Variants in PLD1 observed in about 807,000 individuals in gnomAD.
PLD1 encodes the protein choline phosphatase 1.
In PLD1, 112 loss-of-function variants were observed where a neutral mutation model predicts 137.1. The observed-to-expected ratio is 0.82, with a 90% CI of 0.70 to 0.96. PLD1 has a LOEUF of 0.96. Ranked by LOEUF, PLD1 falls within the 40% of genes least tolerant of loss-of-function variation. The pLI, the probability that PLD1 is intolerant of heterozygous loss-of-function variation, is 0.00. For synonymous variants in PLD1, 431 were observed against 454.7 expected (o/e 0.95, Z 0.66); for missense variants, 1,321 against 1,342.0 (o/e 0.98, Z 0.24).
chr3:171,807,104 C>G (rs1306724951), intron 1 of PLD1, among the ~76,000 whole-genome samples: 1 of 152,088 alleles, frequency 6.6e-6, no homozygotes, highest in East Asian at 1.9e-4. Flanking sequence ...CCCAGCTGTT[C>G]AAGACCAGCC....
rs535327225 is a variant in PLD1, at chr3:171,683,229, A to G, written c.1867+3456T>C. ...ATGCTGTCAGCTCGACCCTCAAAAT[A>G]TATTCACAACCTGCAGAGTCACCAT... On this transcript the variant is annotated intron_variant, in intron 16 of 26. Transcript: ENST00000351298. Among the ~76,000 whole-genome samples, 148 of 152,250 alleles carry G rather than the reference A, an allele frequency of 9.7e-4. 1 individual carries two copies. The highest frequency in any genetic ancestry group is 7.9e-3 in the Admixed American group (121 of 15,298).
chr3:171,796,535 G>A (rs1055875839), intron 1 of PLD1, among the ~76,000 whole-genome samples: 1 of 152,146 alleles, frequency 6.6e-6, no homozygotes, highest in African/African-American at 2.4e-5. Flanking sequence ...TTAACTTTTT[G>A]TACTACTGTG....
chr3:171,714,193 G>T (rs927112565), intron 8 of PLD1, 148 bp from the exon 9 acceptor site: 2 of 546,910 alleles, frequency 3.7e-6, no homozygotes, highest in Admixed American at 3.6e-5. Flanking sequence ...TTTTTTAATC[G>T]CTATGAAACA....
chr3:171,663,928 CT>C (rs1711814115), intron 19 of PLD1, among the ~76,000 whole-genome samples: 1 of 152,134 alleles, frequency 6.6e-6, no homozygotes, highest in Non-Finnish European at 1.5e-5. Context: ...TGGAAAAATT[CT>C]TGTTCAAATC....
At chr3:171,661,245 G>C (rs1737641274) in intron 20 of PLD1, among the ~76,000 whole-genome samples, 1 of 151,942 alleles carries the variant, frequency 6.6e-6, no homozygotes, top group Non-Finnish European at 1.5e-5. Flanking sequence ...AGCGGGAGAG[G>C]GCCAGGACCC....
chr3:171,660,378 T>C (rs1737566408), intron 20 of PLD1, among the ~76,000 whole-genome samples: 1 of 151,520 alleles, frequency 6.6e-6, no homozygotes. Context: ...TCTGAATTCA[T>C]ATTATAAAGA....
Position 171,692,350 on chromosome 3 carries a change from A to C in PLD1, c.1320T>G (p.Arg440=), listed in dbSNP as rs1221614483. 4 of 1,508,432 alleles carry C rather than the reference A, an allele frequency of 2.7e-6. No individual in the cohort carries two copies. The highest frequency in any genetic ancestry group is 3.7e-6 in the Non-Finnish European group (4 of 1,083,700). The allele number at this position is 1,508,432 out of a possible 1,614,324, so 93.4% of individuals were successfully genotyped here. Residue 440 remains arginine (R), a synonymous_variant, in exon 13 of 27, where the codon CGT becomes CGG. Transcript: ENST00000351298. ...TGAATACCTTTATGTTGGGATGTAG[A>C]CGCATCAAAGTCCTCTTGGTGTATT... ...NSEYTKRTLM[R]LHPNIKVMRH... is the part of the protein sequence containing the mutation.
At position 171,687,603 on chromosome 3, in the gene PLD1, TA is replaced by T; in HGVS notation, c.1540-20del. On this transcript the variant is annotated intron_variant, in intron 14 of 26. Transcript: ENST00000351298. Reference sequence around the variant, plus strand: ...CGGCAGGCTGAGAAAAATTTTTTTTTAAAAAAAGACACTGCATAAGACATGC... The same window carrying T: ...CGGCAGGCTGAGAAAAATTTTTTTTTAAAAAAGACACTGCATAAGACATGC... 2 of 1,536,516 alleles carry T rather than the reference TA, an allele frequency of 1.3e-6. No individual in the cohort carries two copies. Among genetic ancestry groups the T allele is most frequent in the Non-Finnish European group, 1.8e-6 (2 of 1,114,984 alleles).
At position 171,674,439 on chromosome 3, in the gene PLD1, C is replaced by G. The variant is rs920603547; in HGVS notation, c.2229+61G>C. The G allele has an allele frequency of 1.1e-4, 91 of 839,210 alleles. No individual in the cohort carries two copies. The African/African-American group carries it at 1.5e-3, about 14-fold the overall frequency. The allele number at this position is 839,210 out of a possible 1,614,324, so 52.0% of individuals were successfully genotyped here. A position where few individuals can be genotyped will look rare whatever the true frequency, so the allele number is the denominator to read the frequency against. ...GAAGCCAATGTAATAGGCCCTTGGT[C>G]CAATAACAGTAATTTTACTCAGTAG... is the stretch of plus-strand genomic sequence containing the variant. On this transcript the variant is annotated intron_variant, in intron 19 of 26. Transcript: ENST00000351298.
intron 23 of PLD1, among the ~76,000 whole-genome samples, chr3:171,634,895 T>A (rs1734975250): frequency 6.6e-6 from 1 of 151,848 alleles, no homozygotes; most frequent in African/African-American, 2.4e-5. Context: ...TTTTTATCAC[T>A]CCCCCAAAAA....
At chr3:171,635,962 CTTCTTTTTTTTTTTTTTT>C (rs1293772352) in intron 23 of PLD1, among the ~76,000 whole-genome samples, 2 of 37,104 alleles carry the variant, frequency 5.4e-5, no homozygotes, top group Middle Eastern at 0.024. Flanking sequence ...AGGGGTTCAA[CTTCTTTTTTTTTTTTTTT>C]TTTTTTTTTT....
At chr3:171,671,072 AGGGAGGGGTAAT>A (rs1309457306) in intron 19 of PLD1, among the ~76,000 whole-genome samples, 1 of 152,224 alleles carries the variant, frequency 6.6e-6, no homozygotes, top group Non-Finnish European at 1.5e-5. Flanking sequence ...AACTGGGCTC[AGGGAGGGGTAAT>A]GGCATGCTGA....
At chr3:171,754,309 G>A (rs1030085075) in intron 1 of PLD1, among the ~76,000 whole-genome samples, 7 of 152,164 alleles carry the variant, frequency 4.6e-5, no homozygotes, top group Admixed American at 1.3e-4. Context: ...GAACATGTGT[G>A]TAATGCTTTC....
intron 23 of PLD1, among the ~76,000 whole-genome samples, chr3:171,625,300 G>C (rs1324574388): frequency 1.3e-5 from 2 of 152,272 alleles, no homozygotes; most frequent in Non-Finnish European, 2.9e-5. Context: ...GAGGCTGGGG[G>C]AGGGGCGCCT....
At position 171,612,906 on chromosome 3, in the gene PLD1, G is replaced by A. The variant is rs370545481; in HGVS notation, c.2729-474C>T. Among the ~76,000 whole-genome samples, 6 of 152,310 alleles carry A rather than the reference G, an allele frequency of 3.9e-5. No individual in the cohort carries two copies. The East Asian group carries it at 5.8e-4, about 15-fold the overall frequency. On this transcript the variant is annotated intron_variant, in intron 24 of 26. Transcript: ENST00000351298. The surrounding 1 kb of genome is among the most constrained non-coding windows in gnomAD (Gnocchi z 4.1). The stretch of plus-strand genomic sequence containing the variant: ...AAAAGAGCCAGGCATGGTGGCTCAT[G>A]TCTGTAATCCCAGTGCTTTGAGAGG...
At chr3:171,770,888 C>CA (rs34683994) in intron 1 of PLD1, among the ~76,000 whole-genome samples, 2,594 of 39,346 alleles carry the variant, frequency 0.066, 73 homozygotes, top group Non-Finnish European at 0.084. Flanking sequence ...AACCCTATCT[C>CA]AAAAAAAAAA....
At chr3:171,750,119 C>T (rs1720547828) in intron 1 of PLD1, among the ~76,000 whole-genome samples, 2 of 152,144 alleles carry the variant, frequency 1.3e-5, no homozygotes, top group Admixed American at 1.3e-4. Context: ...GAGACCAATC[C>T]TGACATGTTG....
At chr3:171,689,011 A>T in intron 13 of PLD1, 135 bp from the exon 14 acceptor site, 1 of 639,342 alleles carries the variant, frequency 1.6e-6, no homozygotes, top group Admixed American at 2.8e-5. Flanking sequence ...TACACCAAAG[A>T]AAATAATTTT....
rs1560288793 is a variant in PLD1, at chr3:171,764,897, AAGG to A, written c.-31-26818_-31-26816del. ...AAAGAAAGAAAGAAAGAAAGAAAGG[AAGG>A]AAGGAAGGAAGGAAAGAAAGAAAGG... On this transcript the variant is annotated intron_variant, in intron 1 of 26. Transcript: ENST00000351298. Among the ~76,000 whole-genome samples the A allele has an allele frequency of 2.0e-3, 55 of 28,050 alleles. 2 individuals are homozygous for A. The highest frequency in any genetic ancestry group is 0.023 in the Middle Eastern group (1 of 44). 18.4% of individuals were successfully genotyped at this position (28,050 alleles called of 152,430 possible).
Sources: gnomAD v4.1 joint callset for allele counts (sites outside exome capture counted in the v4.1 genomes callset) on GRCh38, gnomAD v4.1.1 for gene constraint, Gnocchi (gnomAD v3.1) non-coding constraint, MANE v1.5 for transcripts, NCBI Gene and HGNC (gene_info 2026-07-23, HGNC 2026-07-21) for gene names.